Variants in AHI1 observed in about 807,000 individuals in gnomAD.
The protein encoded by AHI1 is jouberin.
A neutral mutation model predicts 149.3 loss-of-function variants in AHI1; 123 were observed. The ratio of observed to expected loss-of-function variants is 0.82; its 90% CI spans 0.71 to 0.96. The LOEUF (loss-of-function observed/expected upper bound fraction) is 0.96, where lower values mean the gene tolerates loss of function less well. AHI1 is among the 40% of genes least tolerant of loss of function. The pLI, the probability that AHI1 is intolerant of heterozygous loss-of-function variation, is 0.00. For missense variants in AHI1, 1,439 were observed against 1,422.7 expected, an observed-to-expected ratio of 1.01 and a Z score of -0.18; for synonymous variants, 475 against 459.8, an observed-to-expected ratio of 1.03 and a Z score of -0.42.
At chr6:135,438,574 T>C in intron 14 of AHI1, 76 bp from the exon 15 acceptor site, 1 of 1,200,960 alleles carries the variant, frequency 8.3e-7, no homozygotes, top group Non-Finnish European at 1.1e-6. Flanking sequence ...TATAATTTAA[T>C]ATTATTTAGA....
intron 23 of AHI1, among the ~76,000 whole-genome samples, chr6:135,364,540 C>T (rs1398272622): frequency 2.0e-5 from 3 of 149,692 alleles, no homozygotes; most frequent in South Asian, 2.1e-4. Context: ...CCAAGGCAGG[C>T]GGCTGGGAGG....
At chr6:135,390,748 A>T (rs1208342082) in intron 23 of AHI1, among the ~76,000 whole-genome samples, 1 of 152,252 alleles carries the variant, frequency 6.6e-6, no homozygotes, top group East Asian at 1.9e-4. Flanking sequence ...CAGAAGCTCT[A>T]AAATGATTTC....
chr6:135,472,642 TC>T (rs1350976377), intron 5 of AHI1, among the ~76,000 whole-genome samples: 1 of 152,242 alleles, frequency 6.6e-6, no homozygotes, highest in Non-Finnish European at 1.5e-5. Context: ...TTACTTACCA[TC>T]CTTGTTTGCA....
In AHI1 at chr6:135,467,237, T is replaced by C. The variant is rs866504176; in HGVS notation, c.189+344A>G. ...GAAGAGAGATTCTCAAATGTAAAGA[T>C]GGCTTGACAACTGAAAATTAACAAA... On this transcript the variant is annotated intron_variant, in intron 6 of 28. Transcript: ENST00000265602. 1.6e-4 allele frequency among the ~76,000 whole-genome samples: 24 copies of C among 152,274 alleles called. No individual in the cohort carries two copies. In the South Asian group the frequency reaches 5.0e-3, roughly 32 times the overall value.
chr6:135,470,843 T>C (rs1791572887), intron 5 of AHI1, among the ~76,000 whole-genome samples: 1 of 152,114 alleles, frequency 6.6e-6, no homozygotes, highest in Non-Finnish European at 1.5e-5. Context: ...TGTGGCTTAA[T>C]ACCTAGGTGA....
chr6:135,335,986 G>A (rs1195361290), intron 24 of AHI1, among the ~76,000 whole-genome samples: 2 of 151,694 alleles, frequency 1.3e-5, no homozygotes, highest in Admixed American at 6.6e-5. Flanking sequence ...GGTGGAGCAC[G>A]CCTGTAGTCC....
rs531017741 is a variant in AHI1, at chr6:135,416,194, G to T, written c.2765-4650C>A. On this transcript the variant is annotated intron_variant, in intron 20 of 28. Coordinates refer to ENST00000265602, the MANE Select transcript of AHI1 (RefSeq NM_001134831.2). ...GCAAATGACAAAATTGTAATGAAAG[G>T]GGTAATTAATCTTACTATGCAGAGT... 4.1e-4 allele frequency among the ~76,000 whole-genome samples: 63 copies of T among 151,966 alleles called. 1 individual carries two copies. Among genetic ancestry groups the T allele is most frequent in the African/African-American group, 1.4e-3 (58 of 41,474 alleles).
chr6:135,420,751 A>C (rs1402768198), intron 20 of AHI1, among the ~76,000 whole-genome samples: 1 of 152,176 alleles, frequency 6.6e-6, no homozygotes, highest in East Asian at 1.9e-4. Context: ...CAGATCACTA[A>C]AACTTTGTCC....
At chr6:135,347,121 T>C (rs1391849186) in intron 24 of AHI1, among the ~76,000 whole-genome samples, 1 of 152,220 alleles carries the variant, frequency 6.6e-6, no homozygotes, top group Non-Finnish European at 1.5e-5. Flanking sequence ...ATAATTTCCA[T>C]GGTGGATTTA....
At chr6:135,443,961 G>C (rs1310880509) in intron 13 of AHI1, among the ~76,000 whole-genome samples, 1 of 152,260 alleles carries the variant, frequency 6.6e-6, no homozygotes, top group Middle Eastern at 3.4e-3. Flanking sequence ...AAAACTCTGT[G>C]CCCAATCACC....
intron 13 of AHI1, among the ~76,000 whole-genome samples, chr6:135,445,936 G>A (rs986157746): frequency 1.3e-5 from 2 of 152,020 alleles, no homozygotes; most frequent in African/African-American, 4.8e-5. Context: ...GACGCCTGTA[G>A]TCCCAGCTAC....
chr6:135,376,622 G>A (rs1343884850), intron 23 of AHI1, among the ~76,000 whole-genome samples: 2 of 151,892 alleles, frequency 1.3e-5, no homozygotes, highest in Admixed American at 6.6e-5. Flanking sequence ...AGTGGCTCAC[G>A]CCTATAATCC....
chr6:135,425,035 A>T (rs1252471707), intron 20 of AHI1, among the ~76,000 whole-genome samples: 2 of 151,842 alleles, frequency 1.3e-5, no homozygotes, highest in African/African-American at 4.8e-5. Context: ...ATTCACAAGA[A>T]CTCTGCTCAA....
intron 24 of AHI1, among the ~76,000 whole-genome samples, chr6:135,326,031 T>C (rs1787624212): frequency 6.6e-6 from 1 of 152,186 alleles, no homozygotes; most frequent in South Asian, 2.1e-4. Flanking sequence ...AGAGCCCACA[T>C]TACACCTTTT....
rs187527340 is a variant in AHI1, at chr6:135,368,889, A to G, written c.3110-10702T>C. 5.3e-5 allele frequency among the ~76,000 whole-genome samples: 8 copies of G among 152,368 alleles called. 1 individual carries two copies. In the East Asian group the frequency reaches 1.5e-3, roughly 29 times the overall value. On this transcript the variant is annotated intron_variant, in intron 23 of 28. Coordinates refer to ENST00000265602, the MANE Select transcript of AHI1 (RefSeq NM_001134831.2). ...CCCACCTGCTGTGGATTCTGTGCTC[A>G]TATCTGCACTCCTCATTTGCTCCCT...
At chr6:135,422,657 AT>A (rs1783366764) in intron 20 of AHI1, among the ~76,000 whole-genome samples, 1 of 151,422 alleles carries the variant, frequency 6.6e-6, no homozygotes, top group Admixed American at 6.6e-5. Flanking sequence ...GTATGTATGT[AT>A]ACATGTATGT....
intron 5 of AHI1, 130 bp from the exon 6 acceptor site, chr6:135,467,764 T>C: frequency 1.7e-6 from 1 of 591,172 alleles, no homozygotes; most frequent in Non-Finnish European, 2.9e-6. Context: ...GACATAGTGA[T>C]ACTATCTTAG....
chr6:135,333,219 A>C (rs1788861573), intron 24 of AHI1, among the ~76,000 whole-genome samples: 1 of 152,204 alleles, frequency 6.6e-6, no homozygotes, highest in Non-Finnish European at 1.5e-5. Flanking sequence ...ATACGCTTTA[A>C]GAAAGTCTCA....
chr6:135,372,069 G>C (rs1051808727), intron 23 of AHI1, among the ~76,000 whole-genome samples: 38 of 152,136 alleles, frequency 2.5e-4, no homozygotes, highest in Admixed American at 8.5e-4. Context: ...ATGGTTTCTG[G>C]AAGAACTGGC....
Sources: allele counts gnomAD v4.1 joint callset (sites outside exome capture counted in the v4.1 genomes callset), GRCh38; gene constraint gnomAD v4.1.1; transcripts MANE v1.5; gene names NCBI Gene and HGNC (gene_info 2026-07-23, HGNC 2026-07-21).